The following EZR variants were observed in gnomAD, a reference collection of about 807,000 sequenced individuals.
EZR encodes the protein cytovillin 2.
EZR carries 40 observed loss-of-function variants against 74.8 expected under a neutral mutation model. The observed-to-expected ratio is 0.53, with a 90% CI of 0.42 to 0.70. The LOEUF is 0.70. Among genes scored for constraint, EZR ranks in the 30% least tolerant of loss-of-function variants. The pLI, the probability that EZR is intolerant of heterozygous loss-of-function variation, is 0.00. For missense variants in EZR, 678 were observed against 755.8 expected (o/e 0.90, Z 1.21); for synonymous variants, 341 against 283.3 (o/e 1.20, Z -2.05).
Position 158,818,135 on chromosome 6 carries a change from C to CT in EZR, c.-43dup. 6.2e-7 allele frequency: 1 copy of CT among 1,606,354 alleles called. No individual in the cohort carries two copies. Among genetic ancestry groups the CT allele is most frequent in the Non-Finnish European group, 8.5e-7 (1 of 1,174,920 alleles). On this transcript the variant is annotated 5_prime_UTR_variant, in exon 2 of 14. Transcript: ENST00000367075. ...GTATCCTCGATCCCCGAAAACACGA[C>CT]TATCCAGCAGCAGCGAAGACGCTGT...
chr6:158,782,993 C>CA (rs930790710), intron 7 of EZR, among the ~76,000 whole-genome samples: 1 of 152,210 alleles, frequency 6.6e-6, no homozygotes, highest in African/African-American at 2.4e-5. Flanking sequence ...TACAGGCCCT[C>CA]ACTCAACAAA....
chr6:158,788,958 A>G (rs1791657655), intron 3 of EZR, among the ~76,000 whole-genome samples: 1 of 152,166 alleles, frequency 6.6e-6, no homozygotes, highest in Non-Finnish European at 1.5e-5. Context: ...GGTGAGAGAC[A>G]CACAGGCCAG....
chr6:158,787,101 G>T lies in EZR; in HGVS notation c.192+7C>A. The T allele has an allele frequency of 1.2e-6, 2 of 1,611,520 alleles. No homozygotes were observed. Among genetic ancestry groups the T allele is most frequent in the South Asian group, 2.2e-5 (2 of 91,024 alleles). ...CCACAGCCTGTAAATAGTTAATCCTGACTTGCCTTCTTATCCAGCTTCAGC... is the reference window on the plus strand; with the variant it reads ...CCACAGCCTGTAAATAGTTAATCCTTACTTGCCTTCTTATCCAGCTTCAGC... On this transcript the variant is annotated splice_region_variant and intron_variant, in intron 4 of 13. Transcript: ENST00000367075.
At chr6:158,812,096 GAAT>G (rs910020891) in intron 2 of EZR, among the ~76,000 whole-genome samples, 26 of 152,264 alleles carry the variant, frequency 1.7e-4, no homozygotes, top group African/African-American at 6.0e-4. Context: ...CAAGTCAGAA[GAAT>G]ATTATGTTGA....
At position 158,767,009 on chromosome 6, in the gene EZR, C is replaced by G. The variant is rs374282651; in HGVS notation, c.1666G>C (p.Glu556Gln). 15 of 1,614,204 alleles carry G rather than the reference C, an allele frequency of 9.3e-6. No individual in the cohort carries two copies. The highest frequency in any genetic ancestry group is 4.5e-5 in the East Asian group (2 of 44,876). The change falls in exon 14 of 14, where the codon GAG (glutamate) becomes CAG (glutamine). Residue 556 changes from glutamate (E) to glutamine (Q), a missense_variant. By Grantham distance (29) the Glu-to-Gln change is conservative. Transcript: ENST00000367075. ...TTGTCCCGGCCTTGCCTCATGTTCT[C>G]GTTGTGGATGATGTCATTGTGGGTC... The part of the protein sequence containing the change: ...KRTHNDIIHN[E>Q]NMRQGRDKYK...
chr6:158,783,092 A>C (rs1791475125), intron 7 of EZR, among the ~76,000 whole-genome samples: 1 of 152,184 alleles, frequency 6.6e-6, no homozygotes, highest in African/African-American at 2.4e-5. Context: ...TATTGTTTAC[A>C]GCTTTTCAAG....
At chr6:158,818,376 A>G (rs1343199130) in intron 1 of EZR, 3 of 188,052 alleles carry the variant, frequency 1.6e-5, no homozygotes, top group Non-Finnish European at 1.1e-5. Flanking sequence ...GGCGCCCGAG[A>G]GCGGGGGCGC....
intron 2 of EZR, among the ~76,000 whole-genome samples, chr6:158,817,690 T>C (rs75889603): frequency 0.016 from 2,511 of 152,274 alleles, 61 homozygotes; most frequent in African/African-American, 0.058. Context: ...CCTTAGGAGC[T>C]CTGAGAACTG....
chr6:158,803,337 C>T (rs73030056), intron 2 of EZR, among the ~76,000 whole-genome samples: 3,317 of 151,082 alleles, frequency 0.022, 53 homozygotes, highest in Admixed American at 0.036. Context: ...CGGTTATCCT[C>T]GTCTGATGAC....
intron 4 of EZR, among the ~76,000 whole-genome samples, chr6:158,786,226 T>C (rs1398356728): frequency 1.3e-5 from 2 of 151,850 alleles, no homozygotes; most frequent in Non-Finnish European, 2.9e-5. Flanking sequence ...ACAAAAAAAT[T>C]AGCCGGGCAT....
At chr6:158,768,818 T>A (rs1228242372) in intron 12 of EZR, among the ~76,000 whole-genome samples, 3 of 152,178 alleles carry the variant, frequency 2.0e-5, no homozygotes, top group Non-Finnish European at 2.9e-5. Context: ...GAAGAAGTGA[T>A]GCTACTAGCC....
intron 2 of EZR, among the ~76,000 whole-genome samples, chr6:158,805,618 T>G (rs1392424020): frequency 6.6e-6 from 1 of 152,060 alleles, no homozygotes; most frequent in Non-Finnish European, 1.5e-5. Flanking sequence ...CCAAACTAAA[T>G]CAGTAATCTT....
At chr6:158,774,669 T>C (rs543690879) in intron 8 of EZR, among the ~76,000 whole-genome samples, 3 of 73,654 alleles carry the variant, frequency 4.1e-5, no homozygotes, top group African/African-American at 5.4e-5. Context: ...GGACTTATCA[T>C]CAAACACACA....
chr6:158,819,107 A>C (rs1777633812), intron 1 of EZR, among the ~76,000 whole-genome samples: 1 of 151,200 alleles, frequency 6.6e-6, no homozygotes, highest in Non-Finnish European at 1.5e-5. Context: ...TTCGGGAGAG[A>C]CCTGAGGGGA....
chr6:158,809,463 G>T (rs1348454322), intron 2 of EZR, among the ~76,000 whole-genome samples: 1 of 152,146 alleles, frequency 6.6e-6, no homozygotes, highest in Non-Finnish European at 1.5e-5. Context: ...CTTAGCAAGT[G>T]TGACACAAGA....
At chr6:158,802,168 A>G (rs1011553943) in intron 2 of EZR, among the ~76,000 whole-genome samples, 7 of 152,230 alleles carry the variant, frequency 4.6e-5, no homozygotes, top group African/African-American at 1.7e-4. Context: ...GTACCTGCCC[A>G]GGTGCTAATT....
chr6:158,809,248 G>C (rs11969032), intron 2 of EZR, among the ~76,000 whole-genome samples: 1 of 152,180 alleles, frequency 6.6e-6, no homozygotes, highest in African/African-American at 2.4e-5. Flanking sequence ...CTGTACTTTA[G>C]ACAGGGTGTT....
In EZR at chr6:158,766,698, G is replaced by GC; in HGVS notation, c.*215dup. 1 of 580,520 alleles carries GC rather than the reference G, an allele frequency of 1.7e-6. No individual in the cohort carries two copies. The highest frequency in any genetic ancestry group is 3.1e-6 in the Non-Finnish European group (1 of 325,994). 36.0% of individuals were successfully genotyped at this position (580,520 alleles called of 1,614,324 possible). On this transcript the variant is annotated 3_prime_UTR_variant, in exon 14 of 14. Transcript: ENST00000367075. ...CACAGGAGGTGATTCGAGAATAATC[G>GC]CGAGAATCAGGCCTGCTTGGCACTA...
In EZR at chr6:158,769,329, G is replaced by A. The variant is rs149639049; in HGVS notation, c.1341C>T (p.His447=). Residue 447 remains histidine, a synonymous_variant, in exon 12 of 14, where the codon CAC becomes CAT. Coordinates refer to ENST00000367075, the MANE Select transcript of EZR (RefSeq NM_001111077.2). ...GGTGTCCCCCGTGCAGACTCACCCT[G>A]TGCTGCCACTCTTCAACTTCATCCT... ...RKEDEVEEWQ[H]RAKEAQDDLV... is the part of the protein sequence containing the mutation. 34 of 1,609,236 alleles carry A rather than the reference G, an allele frequency of 2.1e-5. No homozygotes were observed. In the East Asian group the frequency reaches 5.3e-4, roughly 25 times the overall value.
Sources: gnomAD v4.1 joint callset for allele counts (sites outside exome capture counted in the v4.1 genomes callset) on GRCh38, gnomAD v4.1.1 for gene constraint, MANE v1.5 for transcripts, NCBI Gene and HGNC (gene_info 2026-07-23, HGNC 2026-07-21) for gene names.